EMSY: variants seen among roughly 807,000 people sequenced by gnomAD.
The protein encoded by EMSY is EMSY transcriptional repressor, BRCA2 interacting, also known as BRCA2-interacting transcriptional repressor EMSY.
A neutral mutation model predicts 134.6 loss-of-function variants in EMSY; 26 were observed. The ratio of observed to expected loss-of-function variants is 0.19; its 90% CI spans 0.14 to 0.27. EMSY has a LOEUF of 0.27. EMSY is among the 10% of genes least tolerant of loss of function. The pLI is 1.00. For missense variants in EMSY, 1,305 were observed against 1,611.4 expected (o/e 0.81, Z 3.26); for synonymous variants, 579 against 577.8 (o/e 1.00, Z -0.03).
At chr11:76,544,949 C>A in intron 19 of EMSY, 127 bp downstream of exon 20, 1 of 1,011,750 alleles carries the variant, frequency 9.9e-7, no homozygotes, top group Non-Finnish European at 1.4e-6. Context: ...AGCCTCATTA[C>A]GCTGGTATTA....
At chr11:76,484,660 C>T (rs1038642214) in intron 8 of EMSY, among the ~76,000 whole-genome samples, 10 of 152,056 alleles carry the variant, frequency 6.6e-5, no homozygotes, top group Admixed American at 2.6e-4. Context: ...GAAGGCCAGG[C>T]GCAGTGGCTC....
At chr11:76,501,683 G>A (rs1352603069) in intron 9 of EMSY, among the ~76,000 whole-genome samples, 2 of 152,216 alleles carry the variant, frequency 1.3e-5, no homozygotes, top group South Asian at 4.1e-4. Context: ...AGTTAACAGA[G>A]CTTCAGAGAA....
intron 9 of EMSY, among the ~76,000 whole-genome samples, chr11:76,503,292 C>T (rs1269024200): frequency 9.9e-5 from 9 of 90,814 alleles, no homozygotes; most frequent in South Asian, 3.9e-4. Context: ...CAGAGCAAGG[C>T]GTGGTCTCAA....
chr11:76,474,115 C>CAAA (rs11407539), intron 8 of EMSY, among the ~76,000 whole-genome samples: 6 of 128,646 alleles, frequency 4.7e-5, no homozygotes, highest in Admixed American at 2.3e-4. Flanking sequence ...GACCCTGTCT[C>CAAA]AAAAAAAAAA....
intron 8 of EMSY, among the ~76,000 whole-genome samples, chr11:76,488,721 G>A (rs1315743174): frequency 6.6e-6 from 1 of 152,132 alleles, no homozygotes; most frequent in African/African-American, 2.4e-5. Context: ...GGAGGCTCAA[G>A]TTAGGCATTA....
intron 11 of EMSY, among the ~76,000 whole-genome samples, chr11:76,520,276 G>A (rs532322387): frequency 6.6e-6 from 1 of 151,792 alleles, no homozygotes; most frequent in South Asian, 2.1e-4. Context: ...TTGTGGACTT[G>A]GTTTGCAACT....
chr11:76,537,100 G>A (rs1200283868), intron 15 of EMSY, among the ~76,000 whole-genome samples: 4 of 152,072 alleles, frequency 2.6e-5, no homozygotes, highest in African/African-American at 9.7e-5. Flanking sequence ...GTTCTTTGTC[G>A]TTGACATGCT....
At chr11:76,537,547 G>A (rs1031827837) in intron 15 of EMSY, among the ~76,000 whole-genome samples, 11 of 152,184 alleles carry the variant, frequency 7.2e-5, no homozygotes, top group Non-Finnish European at 1.3e-4. Flanking sequence ...TTGGCTTAGA[G>A]ATAAAAAGGA....
chr11:76,526,507 A>G lies in EMSY; in HGVS notation c.1867A>G (p.Ile623Val), dbSNP rs372082731. 1.4e-5 allele frequency: 22 copies of G among 1,613,628 alleles called. No individual in the cohort carries two copies. The African/African-American group carries it at 2.7e-4, about 20-fold the overall frequency. Residue 623 changes from isoleucine to valine, a missense_variant, in exon 13 of 21, where the codon ATC (isoleucine) becomes GTC (valine). Coordinates refer to ENST00000334736, the Ensembl canonical transcript of EMSY. The stretch of plus-strand genomic sequence containing the variant: ...AGTGCCAACAGGAGCAAAGCCAGCT[A>G]TCCTTACTGCTACAAGACCCATCAC...
At chr11:76,476,263 G>GT (rs1250373106) in intron 8 of EMSY, among the ~76,000 whole-genome samples, 2 of 152,108 alleles carry the variant, frequency 1.3e-5, no homozygotes, top group Non-Finnish European at 2.9e-5. Context: ...CATAATGTCT[G>GT]TTTTTTCCCT....
chr11:76,527,856 A>G (rs1021609462), intron 13 of EMSY, among the ~76,000 whole-genome samples: 5 of 152,058 alleles, frequency 3.3e-5, no homozygotes, highest in African/African-American at 1.2e-4. Flanking sequence ...TATATTAATA[A>G]AAGTTCAGAG....
intron 9 of EMSY, among the ~76,000 whole-genome samples, chr11:76,503,172 A>G (rs182222143): frequency 6.6e-6 from 1 of 151,796 alleles, no homozygotes; most frequent in Non-Finnish European, 1.5e-5. Flanking sequence ...ATGATGGTAC[A>G]TGGCTGTAAT....
At chr11:76,472,918 C>T in intron 8 of EMSY, 78 bp downstream of exon 9, 1 of 1,491,260 alleles carries the variant, frequency 6.7e-7, no homozygotes, top group South Asian at 1.2e-5. Context: ...GTATGTTTCT[C>T]TGCTTTGGAT....
intron 8 of EMSY, among the ~76,000 whole-genome samples, chr11:76,483,302 C>T (rs1437228389): frequency 1.3e-5 from 2 of 152,168 alleles, no homozygotes; most frequent in Non-Finnish European, 2.9e-5. Flanking sequence ...CAAAAACATA[C>T]CAAATTGTAA....
intron 18 of EMSY, 140 bp from the exon 20 acceptor site, chr11:76,544,119 C>T: frequency 1.2e-6 from 1 of 819,446 alleles, no homozygotes; most frequent in Non-Finnish European, 1.9e-6. Flanking sequence ...CAGTAGAAAG[C>T]TCCTTGAGGT....
intron 9 of EMSY, among the ~76,000 whole-genome samples, chr11:76,510,264 G>A (rs750728973): frequency 2.0e-5 from 3 of 152,146 alleles, no homozygotes; most frequent in Non-Finnish European, 2.9e-5. Context: ...GGGGCAAGAG[G>A]ATTGCTTGAG....
intron 4 of EMSY, 36 bp downstream of exon 4, chr11:76,453,424 G>T: frequency 6.3e-7 from 1 of 1,582,060 alleles, no homozygotes; most frequent in South Asian, 1.1e-5. Context: ...GATTTTTTAT[G>T]ACATAGTATA....
exon 20 of EMSY, chr11:76,545,914 C>G (rs2136817462): frequency 6.2e-7 from 1 of 1,614,194 alleles, no homozygotes; most frequent in Non-Finnish European, 8.5e-7. Flanking sequence ...GCTGACATCA[C>G]CAGTTACAAG....
At chr11:76,493,101 G>A (rs1949490791) in intron 8 of EMSY, among the ~76,000 whole-genome samples, 1 of 152,116 alleles carries the variant, frequency 6.6e-6, no homozygotes, top group Admixed American at 6.5e-5. Flanking sequence ...GCCTGCTCCT[G>A]CTGCCTGGCC....
Sources: gnomAD v4.1 joint callset for allele counts (sites outside exome capture counted in the v4.1 genomes callset) on GRCh38, gnomAD v4.1.1 for gene constraint, MANE v1.5 for transcripts, NCBI Gene and HGNC (gene_info 2026-07-23, HGNC 2026-07-21) for gene names.